SFMBT2: variants seen among roughly 807,000 people sequenced by gnomAD.
SFMBT2 encodes scm-like with four MBT domains protein 2.
SFMBT2 carries 38 observed loss-of-function variants against 110.1 expected under a neutral mutation model. The ratio of observed to expected loss-of-function variants is 0.35; its 90% CI spans 0.27 to 0.45. The LOEUF is 0.45. Among genes scored for constraint, SFMBT2 ranks in the 20% least tolerant of loss-of-function variants. SFMBT2 has a pLI of 1.00. For missense variants in SFMBT2, 1,011 were observed against 1,094.9 expected (o/e 0.92, Z 1.08); for synonymous variants, 425 against 425.4 (o/e 1.00, Z 0.01).
At chr10:7,253,645 TTC>T (rs1458918963) in intron 7 of SFMBT2, among the ~76,000 whole-genome samples, 1 of 152,156 alleles carries the variant, frequency 6.6e-6, no homozygotes, top group Non-Finnish European at 1.5e-5. Context: ...AAGCCAGACA[TTC>T]TGAGAGGTTG....
At chr10:7,347,884 T>A (rs905822270) in intron 4 of SFMBT2, among the ~76,000 whole-genome samples, 1 of 152,196 alleles carries the variant, frequency 6.6e-6, no homozygotes, top group Admixed American at 6.5e-5. Context: ...GAAGGGCACA[T>A]AAATACATAC....
chr10:7,217,295 A>G (rs1161541004), intron 11 of SFMBT2, among the ~76,000 whole-genome samples: 1 of 152,220 alleles, frequency 6.6e-6, no homozygotes, highest in Non-Finnish European at 1.5e-5. Flanking sequence ...ACTGAACTGT[A>G]TAATTTAAAA....
intron 5 of SFMBT2, 157 bp from the exon 6 acceptor site, chr10:7,284,307 C>T: frequency 7.1e-7 from 1 of 1,417,320 alleles, no homozygotes; most frequent in Non-Finnish European, 9.2e-7. Flanking sequence ...CAGCCCATGC[C>T]CCACCCCTTC....
chr10:7,348,455 T>A (rs930047344), intron 4 of SFMBT2: 1 of 735,052 alleles, frequency 1.4e-6, no homozygotes, highest in Non-Finnish European at 1.9e-6. Context: ...TTTCAAAAAA[T>A]TGACATTGTT....
chr10:7,364,230 T>C (rs1844819262), intron 4 of SFMBT2, among the ~76,000 whole-genome samples: 2 of 152,232 alleles, frequency 1.3e-5, no homozygotes, highest in African/African-American at 4.8e-5. Flanking sequence ...CTAAATGTTT[T>C]TGAGTTCTTT....
chr10:7,364,217 C>A (rs934353097), intron 4 of SFMBT2, among the ~76,000 whole-genome samples: 3 of 152,206 alleles, frequency 2.0e-5, no homozygotes, highest in Non-Finnish European at 1.5e-5. Context: ...TACTGATTAC[C>A]CACTAAATGT....
intron 4 of SFMBT2, among the ~76,000 whole-genome samples, chr10:7,350,425 C>T (rs148742562): frequency 5.3e-5 from 8 of 152,274 alleles, no homozygotes; most frequent in South Asian, 4.1e-4. Flanking sequence ...GCCACTCTTC[C>T]GGGCCAGCCT....
chr10:7,228,952 G>A (rs991970626), intron 9 of SFMBT2, among the ~76,000 whole-genome samples: 3 of 151,962 alleles, frequency 2.0e-5, no homozygotes, highest in Non-Finnish European at 2.9e-5. Flanking sequence ...GCCTCTTAAT[G>A]GGAGTCTCAT....
At chr10:7,292,541 G>A (rs990467411) in intron 4 of SFMBT2, among the ~76,000 whole-genome samples, 1 of 152,106 alleles carries the variant, frequency 6.6e-6, no homozygotes, top group Non-Finnish European at 1.5e-5. Flanking sequence ...ATGTAACCCA[G>A]ATGAAGATAT....
At chr10:7,165,365 G>T (rs1183414659) in intron 20 of SFMBT2, among the ~76,000 whole-genome samples, 1 of 152,206 alleles carries the variant, frequency 6.6e-6, no homozygotes, top group Non-Finnish European at 1.5e-5. Context: ...TTATTTAGCT[G>T]TCTTGAAAAT....
intron 2 of SFMBT2, among the ~76,000 whole-genome samples, chr10:7,375,948 A>C (rs1418798624): frequency 6.6e-6 from 1 of 152,168 alleles, no homozygotes; most frequent in Non-Finnish European, 1.5e-5. Context: ...TCCTTCCCAA[A>C]TAGAAGAGCC....
At chr10:7,382,038 A>G in intron 1 of SFMBT2, 89 bp from the exon 2 acceptor site, 1 of 618,094 alleles carries the variant, frequency 1.6e-6, no homozygotes, top group Non-Finnish European at 2.6e-6. Flanking sequence ...AAAAAACCTT[A>G]TTAGTGCCAC....
At chr10:7,354,285 G>A (rs1447584237) in intron 4 of SFMBT2, among the ~76,000 whole-genome samples, 1 of 152,072 alleles carries the variant, frequency 6.6e-6, no homozygotes, top group African/African-American at 2.4e-5. Flanking sequence ...TTGACCATAA[G>A]AGAAAAATTT....
chr10:7,211,454 C>T (rs764776666), intron 11 of SFMBT2, among the ~76,000 whole-genome samples: 19 of 152,278 alleles, frequency 1.2e-4, no homozygotes, highest in Middle Eastern at 3.4e-3. Flanking sequence ...GGCGATTCCC[C>T]GGCCTCTGGT....
chr10:7,338,028 A>G (rs1843769688), intron 4 of SFMBT2, among the ~76,000 whole-genome samples: 1 of 152,182 alleles, frequency 6.6e-6, no homozygotes. Flanking sequence ...TGTCTCCACT[A>G]TCCATGCTAA....
chr10:7,378,531 A>AGT (rs548925580), intron 2 of SFMBT2, among the ~76,000 whole-genome samples: 86 of 5,928 alleles, frequency 0.015, 17 homozygotes, highest in East Asian at 0.1. Flanking sequence ...GATGGGTATG[A>AGT]GTGTGTGGGG....
chr10:7,348,169 G>A, intron 4 of SFMBT2: 1 of 643,754 alleles, frequency 1.6e-6, no homozygotes, highest in Non-Finnish European at 2.4e-6. Flanking sequence ...TATTTTCTTT[G>A]GAGCTTTTCA....
chr10:7,342,396 CTTTTTTTTTT>C (rs71382101), intron 4 of SFMBT2, among the ~76,000 whole-genome samples: 86 of 69,644 alleles, frequency 1.2e-3, no homozygotes, highest in East Asian at 4.6e-3. Flanking sequence ...TGGAGTGAGT[CTTTTTTTTTT>C]TTTTTTTTTT....
chr10:7,164,264 G>T, intron 20 of SFMBT2: 3 of 595,132 alleles, frequency 5.0e-6, no homozygotes, highest in Non-Finnish European at 6.3e-6. Flanking sequence ...GTGCAAACCT[G>T]TGATGCCAGC....
Sources: allele counts gnomAD v4.1 joint callset (sites outside exome capture counted in the v4.1 genomes callset), GRCh38; gene constraint gnomAD v4.1.1; transcripts MANE v1.5; gene names NCBI Gene and HGNC (gene_info 2026-07-23, HGNC 2026-07-21).